ADGRV1: variants seen among roughly 807,000 people sequenced by gnomAD.
ADGRV1 encodes the protein G-protein coupled receptor 98.
A neutral mutation model predicts 596.2 loss-of-function variants in ADGRV1; 359 were observed. The observed-to-expected ratio is 0.60, with a 90% CI of 0.55 to 0.66. The LOEUF (loss-of-function observed/expected upper bound fraction) is 0.66, where lower values mean the gene tolerates loss of function less well. Among genes scored for constraint, ADGRV1 ranks in the 30% least tolerant of loss-of-function variants. The pLI is 0.00. For synonymous variants in ADGRV1, 2,681 were observed against 2,679.2 expected (o/e 1.00, Z -0.02); for missense variants, 7,274 against 7,575.6 (o/e 0.96, Z 1.48).
Position 90,705,159 on chromosome 5 carries a change from T to C in ADGRV1, c.8387-241T>C, listed in dbSNP as rs555450429. ...ATCTGGGTACTTTCCTCAGTTTCTATTCAATTTCTATAATTCTGATAACCA... is the reference window on the plus strand; with the variant it reads ...ATCTGGGTACTTTCCTCAGTTTCTACTCAATTTCTATAATTCTGATAACCA... On this transcript the variant is annotated intron_variant, in intron 36 of 89. Coordinates refer to ENST00000405460, the MANE Select transcript of ADGRV1 (RefSeq NM_032119.4). Among the ~76,000 whole-genome samples the C allele has an allele frequency of 9.2e-5, 14 of 152,304 alleles. No homozygotes were observed. In the South Asian group the frequency reaches 2.5e-3, roughly 27 times the overall value.
intron 52 of ADGRV1, among the ~76,000 whole-genome samples, chr5:90,749,347 T>C (rs1209093571): frequency 6.6e-6 from 1 of 152,192 alleles, no homozygotes; most frequent in East Asian, 1.9e-4. Flanking sequence ...TTAACCCTCA[T>C]TGATGGAGGG....
At chr5:91,072,408 T>C (rs1788467221) in intron 85 of ADGRV1, 39 bp from the exon 86 acceptor site, 1 of 1,565,444 alleles carries the variant, frequency 6.4e-7, no homozygotes, top group Non-Finnish European at 8.8e-7. Context: ...ATATTTGCGC[T>C]GAAAGTGTCT....
intron 21 of ADGRV1, among the ~76,000 whole-genome samples, chr5:90,667,376 G>A (rs1461603709): frequency 1.4e-5 from 2 of 147,148 alleles, no homozygotes; most frequent in Non-Finnish European, 3.0e-5. Flanking sequence ...TTCCATCGCT[G>A]ATACCTTTTC....
intron 74 of ADGRV1, among the ~76,000 whole-genome samples, chr5:90,814,067 A>C (rs990798914): frequency 3.9e-5 from 6 of 152,232 alleles, no homozygotes; most frequent in African/African-American, 1.4e-4. Context: ...TGAAGAGCCC[A>C]AATCCTCACT....
At chr5:90,973,523 C>G (rs1421861921) in intron 84 of ADGRV1, among the ~76,000 whole-genome samples, 1 of 152,106 alleles carries the variant, frequency 6.6e-6, no homozygotes, top group Non-Finnish European at 1.5e-5. Flanking sequence ...GGACTTCATC[C>G]CTGGGATGCA....
At chr5:90,999,748 G>A (rs1240079571) in intron 85 of ADGRV1, among the ~76,000 whole-genome samples, 5 of 152,092 alleles carry the variant, frequency 3.3e-5, no homozygotes, top group East Asian at 1.9e-4. Flanking sequence ...TACAACCACA[G>A]ATGGTCAAGT....
chr5:90,857,975 A>C (rs1028572573), intron 82 of ADGRV1, among the ~76,000 whole-genome samples: 1 of 152,146 alleles, frequency 6.6e-6, no homozygotes, highest in Non-Finnish European at 1.5e-5. Context: ...TATCGGTACC[A>C]ATTCTAGTTT....
intron 78 of ADGRV1, among the ~76,000 whole-genome samples, chr5:90,842,544 CCT>C (rs202176619): frequency 0.014 from 2,088 of 152,026 alleles, 14 homozygotes; most frequent in Middle Eastern, 0.048. Flanking sequence ...CATGTGAAAC[CCT>C]GTCTCTACTA....
chr5:90,619,801 T>G (rs1763822086), intron 4 of ADGRV1, among the ~76,000 whole-genome samples: 1 of 144,066 alleles, frequency 6.9e-6, no homozygotes, highest in Non-Finnish European at 1.5e-5. Context: ...CCTTCCTGTG[T>G]CCATGTGTTC....
chr5:90,918,538 C>G (rs1320335383), intron 83 of ADGRV1, among the ~76,000 whole-genome samples: 1 of 152,144 alleles, frequency 6.6e-6, no homozygotes, highest in Non-Finnish European at 1.5e-5. Flanking sequence ...TATATCTGAG[C>G]TTGAATTCCA....
chr5:90,888,380 C>A (rs773756745), intron 83 of ADGRV1, among the ~76,000 whole-genome samples: 1 of 151,868 alleles, frequency 6.6e-6, no homozygotes, highest in Non-Finnish European at 1.5e-5. Flanking sequence ...TTTGCATTTG[C>A]ATCATTAGGA....
chr5:90,983,431 C>G (rs1290149747), intron 84 of ADGRV1, among the ~76,000 whole-genome samples: 1 of 152,052 alleles, frequency 6.6e-6, no homozygotes, highest in African/African-American at 2.4e-5. Flanking sequence ...AATCTGTACC[C>G]TCCTCCTTGA....
At chr5:91,023,236 T>C (rs1783781907) in intron 85 of ADGRV1, among the ~76,000 whole-genome samples, 1 of 152,136 alleles carries the variant, frequency 6.6e-6, no homozygotes, top group South Asian at 2.1e-4. Flanking sequence ...CAAAACACCA[T>C]AATGTGTAGC....
rs1241476876 is a variant in ADGRV1, at chr5:91,060,904, CA to C, written c.18153-11539del. ...AATTAAACGTTTAATTATCCTTCTA[CA>C]AAATGATTTTTGCCCTTTTGAGGAA... On this transcript the variant is annotated intron_variant, in intron 85 of 89. Coordinates refer to ENST00000405460, the MANE Select transcript of ADGRV1 (RefSeq NM_032119.4). 6.6e-5 allele frequency among the ~76,000 whole-genome samples: 10 copies of C among 152,290 alleles called. No homozygotes were observed. The East Asian group carries it at 1.9e-3, about 29-fold the overall frequency.
At chr5:90,599,147 A>G (rs1182504664) in intron 1 of ADGRV1, among the ~76,000 whole-genome samples, 1 of 152,240 alleles carries the variant, frequency 6.6e-6, no homozygotes, top group Non-Finnish European at 1.5e-5. Flanking sequence ...CATTGAGAAA[A>G]ACACAGGTGT....
At chr5:91,066,184 C>G (rs1787869964) in intron 85 of ADGRV1, among the ~76,000 whole-genome samples, 1 of 152,186 alleles carries the variant, frequency 6.6e-6, no homozygotes, top group African/African-American at 2.4e-5. Context: ...ACTTCCACAG[C>G]CCTGGTGCGG....
Position 90,593,822 on chromosome 5 carries a change from T to G in ADGRV1, c.23-21013T>G, listed in dbSNP as rs78769433. Among the ~76,000 whole-genome samples, 133 of 152,266 alleles carry G rather than the reference T, an allele frequency of 8.7e-4. No homozygotes were observed. The East Asian group carries it at 0.024, about 27-fold the overall frequency. ...TAGGAGTTTTTTTTTGGTACAAGCT[T>G]TTTATCAAATTAGCAAATTCTCTTG... On this transcript the variant is annotated intron_variant, in intron 1 of 89. Transcript: ENST00000405460.
At chr5:90,821,727 T>C (rs555459693) in intron 75 of ADGRV1, among the ~76,000 whole-genome samples, 8,437 of 148,406 alleles carry the variant, frequency 0.057, 515 homozygotes, top group African/African-American at 0.15. Context: ...TTAGGCTGCT[T>C]CGGGGTCAGG....
intron 11 of ADGRV1, among the ~76,000 whole-genome samples, chr5:90,641,782 G>A (rs531207208): frequency 3.9e-5 from 6 of 152,232 alleles, no homozygotes; most frequent in African/African-American, 1.4e-4. Flanking sequence ...CATTTCGCAA[G>A]GTTTAGAGCA....
Sources: gnomAD v4.1 joint callset for allele counts (sites outside exome capture counted in the v4.1 genomes callset) on GRCh38, gnomAD v4.1.1 for gene constraint, MANE v1.5 for transcripts, NCBI Gene and HGNC (gene_info 2026-07-23, HGNC 2026-07-21) for gene names.